REDIC1: variants seen among roughly 807,000 people sequenced by gnomAD.
REDIC1 encodes HEI10 Interacting Protein 1.
chr12:39,869,693 G>A, the REDIC1 span, among the ~76,000 whole-genome samples: 1 of 151,646 alleles, frequency 6.6e-6, no homozygotes, highest in East Asian at 2.0e-4. Flanking sequence ...GGATGGCTCT[G>A]GAAATCCTTG....
At chr12:39,831,898 G>A in the REDIC1 span, among the ~76,000 whole-genome samples, 1 of 152,086 alleles carries the variant, frequency 6.6e-6, no homozygotes, top group Non-Finnish European at 1.5e-5. Context: ...GGAGAACGAT[G>A]AGCCAATTAA....
the REDIC1 span, among the ~76,000 whole-genome samples, chr12:39,660,747 A>G: frequency 6.6e-6 from 1 of 151,984 alleles, no homozygotes; most frequent in Non-Finnish European, 1.5e-5. Flanking sequence ...AAATATTAGC[A>G]CTTGTTCATT....
At chr12:39,722,818 G>C in the REDIC1 span, among the ~76,000 whole-genome samples, 2 of 152,134 alleles carry the variant, frequency 1.3e-5, no homozygotes, top group African/African-American at 2.4e-5. Context: ...AAGCGGTATT[G>C]CCTTTACTCT....
At chr12:39,669,950 AC>A in the REDIC1 span, among the ~76,000 whole-genome samples, 1 of 151,916 alleles carries the variant, frequency 6.6e-6, no homozygotes, top group Non-Finnish European at 1.5e-5. Context: ...GCCGTCTGTC[AC>A]CCCTTTCTTT....
chr12:39,856,348 C>G, the REDIC1 span, among the ~76,000 whole-genome samples: 15 of 152,094 alleles, frequency 9.9e-5, no homozygotes, highest in African/African-American at 3.6e-4. Flanking sequence ...CTTTTAACCT[C>G]TTTGCTATGC....
At chr12:39,713,227 T>TATACGTGTATATATGTGTACACAC in the REDIC1 span, among the ~76,000 whole-genome samples, 2 of 134,332 alleles carry the variant, frequency 1.5e-5, no homozygotes, top group South Asian at 5.0e-4. Context: ...ATATTACACA[T>TATACGTGTATATATGTGTACACAC]ATACGTGTAT....
the REDIC1 span, among the ~76,000 whole-genome samples, chr12:39,894,132 C>A: frequency 6.6e-6 from 1 of 152,124 alleles, no homozygotes. Flanking sequence ...TCCTATAGTG[C>A]CACGTCACTA....
the REDIC1 span, among the ~76,000 whole-genome samples, chr12:39,711,627 G>GTATGTGTA: frequency 2.1e-5 from 1 of 47,906 alleles, no homozygotes; most frequent in South Asian, 5.5e-4. Flanking sequence ...GTGTATACAC[G>GTATGTGTA]TATGTGTATA....
chr12:39,754,389 T>G, the REDIC1 span: 2 of 152,104 alleles, frequency 1.3e-5, no homozygotes, highest in African/African-American at 4.8e-5. Context: ...TTGACTTGGA[T>G]TTTTGCCTTA....
At chr12:39,714,367 G>C in the REDIC1 span, among the ~76,000 whole-genome samples, 11,687 of 30,962 alleles carry the variant, frequency 0.38, 2,674 homozygotes, top group Non-Finnish European at 0.59. Flanking sequence ...GTATATATGT[G>C]CTTCCATGTA....
chr12:39,718,865 C>T, the REDIC1 span, among the ~76,000 whole-genome samples: 1 of 152,212 alleles, frequency 6.6e-6, no homozygotes, highest in Admixed American at 6.6e-5. Context: ...CCATGCTTTG[C>T]TGGCATTAAA....
At chr12:39,838,347 G>C in the REDIC1 span, among the ~76,000 whole-genome samples, 2 of 113,504 alleles carry the variant, frequency 1.8e-5, no homozygotes, top group South Asian at 3.7e-4. Flanking sequence ...GTGGTGGGGT[G>C]GGGGGAGGGG....
the REDIC1 span, among the ~76,000 whole-genome samples, chr12:39,666,360 G>A: frequency 6.6e-6 from 1 of 152,088 alleles, no homozygotes; most frequent in East Asian, 1.9e-4. Flanking sequence ...TTATATGCTG[G>A]ATTACGTTTA....
chr12:39,640,278 C>CA, the REDIC1 span, among the ~76,000 whole-genome samples: 1 of 151,686 alleles, frequency 6.6e-6, no homozygotes, highest in Middle Eastern at 3.4e-3. Flanking sequence ...GAGGATACAG[C>CA]AAAAAAATGT....
At chr12:39,647,761 A>G in the REDIC1 span, 3 of 1,360,472 alleles carry the variant, frequency 2.2e-6, no homozygotes, top group Non-Finnish European at 2.9e-6. Context: ...ATATTTTGGT[A>G]ATGTAAATGA....
chr12:39,753,223 A>C, the REDIC1 span, among the ~76,000 whole-genome samples: 7 of 152,210 alleles, frequency 4.6e-5, no homozygotes, highest in Non-Finnish European at 1.0e-4. Flanking sequence ...GGTTAAAAGA[A>C]GTAGCCTCAA....
the REDIC1 span, among the ~76,000 whole-genome samples, chr12:39,632,684 G>T: frequency 1.3e-5 from 2 of 151,988 alleles, no homozygotes; most frequent in African/African-American, 4.8e-5. Flanking sequence ...GAAACCTAGG[G>T]GGTCTAGTCT....
the REDIC1 span, among the ~76,000 whole-genome samples, chr12:39,694,611 C>G: frequency 1.3e-5 from 2 of 152,154 alleles, no homozygotes; most frequent in African/African-American, 4.8e-5. Context: ...TTGCATAAGC[C>G]CTCCTATTAT....
the REDIC1 span, among the ~76,000 whole-genome samples, chr12:39,785,738 C>A: frequency 1.6e-4 from 25 of 152,082 alleles, no homozygotes; most frequent in Admixed American, 6.5e-5. Flanking sequence ...CGGAGCTGCC[C>A]AAGACCATGG....
Sources: allele counts gnomAD v4.1 joint callset (sites outside exome capture counted in the v4.1 genomes callset), GRCh38; gene constraint gnomAD v4.1.1; transcripts MANE v1.5; gene names NCBI Gene and HGNC (gene_info 2026-07-23, HGNC 2026-07-21).